SYN2: variants seen among roughly 807,000 people sequenced by gnomAD.
The protein encoded by SYN2 is synapsin-2.
Under a neutral mutation model 50.9 loss-of-function variants are expected in SYN2, and 19 were observed. The ratio of observed to expected loss-of-function variants is 0.37; its 90% CI spans 0.26 to 0.55. SYN2 has a LOEUF of 0.55. Ranked by LOEUF, SYN2 falls within the 20% of genes least tolerant of loss-of-function variation. The pLI is 0.81. For synonymous variants in SYN2, 255 were observed against 224.9 expected, an observed-to-expected ratio of 1.13 and a Z score of -1.20; for missense variants, 587 against 576.4, an observed-to-expected ratio of 1.02 and a Z score of -0.19.
chr3:12,178,694 T>G (rs745482528), intron 10 of SYN2, among the ~76,000 whole-genome samples: 1 of 152,246 alleles, frequency 6.6e-6, no homozygotes, highest in Non-Finnish European at 1.5e-5. Flanking sequence ...TAGACCTCCC[T>G]TCCTTTGGAT....
chr3:12,012,907 C>G (rs1049328378), intron 1 of SYN2, among the ~76,000 whole-genome samples: 5 of 152,198 alleles, frequency 3.3e-5, no homozygotes, highest in African/African-American at 1.2e-4. Flanking sequence ...AATCACTCTT[C>G]CAAACATGAA....
intron 1 of SYN2, among the ~76,000 whole-genome samples, chr3:12,078,423 T>A (rs1173253919): frequency 6.6e-6 from 1 of 152,180 alleles, no homozygotes; most frequent in Admixed American, 6.5e-5. Context: ...CTTCCAGGGA[T>A]TTTATAGTTT....
chr3:12,038,958 T>C (rs1478200551), intron 1 of SYN2, among the ~76,000 whole-genome samples: 1 of 152,192 alleles, frequency 6.6e-6, no homozygotes, highest in African/African-American at 2.4e-5. Context: ...TGAGTAGAAG[T>C]TGAGAGAATG....
chr3:12,183,170 C>T (rs1024161175), intron 10 of SYN2, 142 bp from the exon 11 acceptor site: 11 of 1,187,516 alleles, frequency 9.3e-6, no homozygotes, highest in Non-Finnish European at 1.1e-5. Flanking sequence ...TCTGGAGCAG[C>T]AGAAGCCTAT....
At chr3:12,057,381 A>G (rs1245372818) in intron 1 of SYN2, among the ~76,000 whole-genome samples, 6 of 151,624 alleles carry the variant, frequency 4.0e-5, no homozygotes, top group Non-Finnish European at 7.4e-5. Context: ...TTCTAGTGAA[A>G]CATGAACAAA....
chr3:12,083,658 A>G (rs1335924653), intron 1 of SYN2, among the ~76,000 whole-genome samples: 1 of 152,176 alleles, frequency 6.6e-6, no homozygotes, highest in East Asian at 1.9e-4. Flanking sequence ...TGATTCTCTG[A>G]GTATAAAGAG....
chr3:12,019,983 A>T (rs1694098181), intron 1 of SYN2, among the ~76,000 whole-genome samples: 1 of 152,200 alleles, frequency 6.6e-6, no homozygotes, highest in Non-Finnish European at 1.5e-5. Context: ...GATAGATAAA[A>T]AAATTGCTTA....
chr3:12,076,414 A>G lies in SYN2; in HGVS notation c.378-64237A>G, dbSNP rs576311219. Among the ~76,000 whole-genome samples the G allele has an allele frequency of 2.6e-5, 4 of 152,142 alleles. No individual in the cohort carries two copies. The South Asian group carries it at 8.3e-4, about 32-fold the overall frequency. ...ATTTCTTTTCTCAGGCTGTGTACAAATTTTTGATTACGGTAACATGATCAC... is the reference window on the plus strand; with the variant it reads ...ATTTCTTTTCTCAGGCTGTGTACAAGTTTTTGATTACGGTAACATGATCAC... On this transcript the variant is annotated intron_variant, in intron 1 of 12. Transcript: ENST00000621198.
rs1559441503 is a variant in SYN2 at position 12,151,410 on chromosome 3, G to A, written c.774+84G>A. 3.3e-5 allele frequency: 36 copies of A among 1,078,902 alleles called. No individual in the cohort carries two copies. In the South Asian group the frequency reaches 4.4e-4, roughly 13 times the overall value. The allele number at this position is 1,078,902 out of a possible 1,614,324, so 66.8% of individuals were successfully genotyped here. A position where few individuals can be genotyped will look rare whatever the true frequency, so the allele number is the denominator to read the frequency against. The stretch of plus-strand genomic sequence containing the variant: ...CTGGTTATTGTGGGGCTCTGAAAAG[G>A]GCCTCAGCATCTCAACCCCAAAGAC... On this transcript the variant is annotated intron_variant, in intron 5 of 12. Transcript: ENST00000621198.
At chr3:12,088,874 G>A (rs1695767695) in intron 1 of SYN2, among the ~76,000 whole-genome samples, 1 of 152,176 alleles carries the variant, frequency 6.6e-6, no homozygotes, top group African/African-American at 2.4e-5. Flanking sequence ...ACTAGGGGAA[G>A]TGGTGGAAGG....
At position 12,182,820 on chromosome 3, in the gene SYN2, C is replaced by T. The variant is rs544934561; in HGVS notation, c.1309-492C>T. 5.3e-5 allele frequency among the ~76,000 whole-genome samples: 8 copies of T among 152,352 alleles called. No homozygotes were observed. The East Asian group carries it at 1.4e-3, about 26-fold the overall frequency. On this transcript the variant is annotated intron_variant, in intron 10 of 12. Transcript: ENST00000621198. ...CTAGGTCCGGCTGGGCGCAGGCATG[C>T]GCACACATACACTCCTCCCCTGCCC... is the stretch of plus-strand genomic sequence containing the variant.
In SYN2 at chr3:12,004,458, C is replaced by CCGCCTCAGCCGCCTCAGT. The variant is rs1559381900; in HGVS notation, c.-86_-85insCCGCCTCAGTCGCCTCAG. The CCGCCTCAGCCGCCTCAGT allele has an allele frequency of 3.0e-6, 1 of 330,602 alleles. No individual in the cohort carries two copies. Among genetic ancestry groups the CCGCCTCAGCCGCCTCAGT allele is most frequent in the African/African-American group, 2.2e-5 (1 of 44,794 alleles). 20.5% of individuals were successfully genotyped at this position (330,602 alleles called of 1,614,324 possible). A position where few individuals can be genotyped will look rare whatever the true frequency, so the allele number is the denominator to read the frequency against. On this transcript the variant is annotated 5_prime_UTR_variant, in exon 1 of 13. Coordinates refer to ENST00000621198, the MANE Select transcript of SYN2 (RefSeq NM_133625.6). Reference sequence around the variant, plus strand: ...TCTGCTGGCTAAGCCGCCGCCTCAGCCGCCTCAGTCGCCTCAATCTCGCCT... The same window carrying CCGCCTCAGCCGCCTCAGT: ...TCTGCTGGCTAAGCCGCCGCCTCAGCCGCCTCAGCCGCCTCAGTCGCCTCAGTCGCCTCAATCTCGCCT...
intron 1 of SYN2, among the ~76,000 whole-genome samples, chr3:12,025,192 G>C (rs1694230021): frequency 6.6e-6 from 1 of 151,586 alleles, no homozygotes; most frequent in East Asian, 1.9e-4. Flanking sequence ...CTCTTCTCTT[G>C]ACTTCATCTA....
chr3:12,042,783 A>T (rs1013823624), intron 1 of SYN2, among the ~76,000 whole-genome samples: 1 of 152,170 alleles, frequency 6.6e-6, no homozygotes, highest in African/African-American at 2.4e-5. Flanking sequence ...AGATACAGAG[A>T]GCAGCACAGA....
intron 1 of SYN2, among the ~76,000 whole-genome samples, chr3:12,081,708 C>T (rs886446723): frequency 5.3e-5 from 8 of 152,256 alleles, no homozygotes; most frequent in Middle Eastern, 3.4e-3. Context: ...GTCATTCTTC[C>T]ACCACATATG....
chr3:12,087,088 T>A (rs1192292842), intron 1 of SYN2, among the ~76,000 whole-genome samples: 1 of 152,010 alleles, frequency 6.6e-6, no homozygotes, highest in Admixed American at 6.6e-5. Context: ...AAAAAGAAAT[T>A]AAGAAAACAG....
chr3:12,099,068 TA>T (rs1374400843), intron 1 of SYN2, among the ~76,000 whole-genome samples: 1 of 151,756 alleles, frequency 6.6e-6, no homozygotes, highest in Non-Finnish European at 1.5e-5. Context: ...ATACATGAAG[TA>T]AAAATGGACA....
intron 1 of SYN2, among the ~76,000 whole-genome samples, chr3:12,084,453 A>G (rs1695647680): frequency 2.0e-5 from 3 of 152,168 alleles, no homozygotes; most frequent in Admixed American, 2.0e-4. Context: ...AATGAAGGGG[A>G]GATAAAAATC....
intron 1 of SYN2, among the ~76,000 whole-genome samples, chr3:12,043,384 TG>T (rs1694664299): frequency 6.6e-6 from 1 of 152,128 alleles, no homozygotes; most frequent in African/African-American, 2.4e-5. Context: ...AGTGGTAATT[TG>T]TTATGACAGC....
Sources: allele counts gnomAD v4.1 joint callset (sites outside exome capture counted in the v4.1 genomes callset), GRCh38; gene constraint gnomAD v4.1.1; transcripts MANE v1.5; gene names NCBI Gene and HGNC (gene_info 2026-07-23, HGNC 2026-07-21).